The following NCKAP1 variants were observed in gnomAD, a reference collection of about 807,000 sequenced individuals.
NCKAP1 encodes the protein nck-associated protein 1.
A neutral mutation model predicts 151.2 loss-of-function variants in NCKAP1; 21 were observed. The observed-to-expected ratio is 0.14, with a 90% CI of 0.10 to 0.20. The LOEUF (loss-of-function observed/expected upper bound fraction) is 0.20. Among genes scored for constraint, NCKAP1 ranks in the 10% least tolerant of loss-of-function variants. The probability of loss-of-function intolerance (pLI) is 1.00; values close to 1 mark genes in which losing one functional copy is unlikely to be tolerated. For synonymous variants in NCKAP1, 484 were observed against 451.8 expected (o/e 1.07, Z -0.90); for missense variants, 933 against 1,352.1 (o/e 0.69, Z 4.86).
rs73046247 is a variant in NCKAP1 at position 183,002,756 on chromosome 2, G to A, written c.369+218C>T. Among the ~76,000 whole-genome samples, 838 of 151,776 alleles carry A rather than the reference G, an allele frequency of 5.5e-3. 9 individuals carry two copies. Among genetic ancestry groups the A allele is most frequent in the African/African-American group, 0.019 (773 of 41,400 alleles). ...TATTAAATAAAATACTAAAGTTAAC[G>A]TGTATTTCCCAATATGTACAAGACT... On this transcript the variant is annotated intron_variant, in intron 4 of 30. Transcript: ENST00000361354.
chr2:182,930,855 TATTA>T, intron 26 of NCKAP1, 67 bp from the exon 27 acceptor site: 4 of 1,362,586 alleles, frequency 2.9e-6, no homozygotes, highest in Non-Finnish European at 1.0e-6. Flanking sequence ...GCTCACTGTT[TATTA>T]GAGTCTGCCT....
In NCKAP1 at chr2:182,910,847, AGAAGAAGGT is replaced by A. The variant is rs1194829956; in HGVS notation, c.*14846_*14854del. On this transcript the variant is annotated 3_prime_UTR_variant, in exon 31 of 31. Transcript: ENST00000361354. ...CAGCAACCTTCAGAGAAAGTTACTGAGAAGAAGGTGATTGCTAAGTATTTACAGATTAAA... is the reference window on the plus strand; with the variant it reads ...CAGCAACCTTCAGAGAAAGTTACTGAGATTGCTAAGTATTTACAGATTAAA... 6.6e-6 allele frequency: 1 copy of A among 152,144 alleles called. No individual in the cohort carries two copies. Among genetic ancestry groups the A allele is most frequent in the Non-Finnish European group, 1.5e-5 (1 of 68,026 alleles). The allele number at this position is 152,144 out of a possible 1,614,324, so 9.4% of individuals were successfully genotyped here.
intron 2 of NCKAP1, among the ~76,000 whole-genome samples, 186 bp downstream of exon 2, chr2:183,023,620 G>T (rs1001384185): frequency 6.6e-6 from 1 of 151,980 alleles, no homozygotes; most frequent in East Asian, 1.9e-4. Flanking sequence ...TGGCAATGTC[G>T]TTAAGAGTTA....
chr2:182,996,312 T>A (rs1254817046), intron 6 of NCKAP1, among the ~76,000 whole-genome samples: 1 of 152,220 alleles, frequency 6.6e-6, no homozygotes, highest in Non-Finnish European at 1.5e-5. Context: ...CTCATCTTAA[T>A]AAATTACTTA....
At chr2:182,930,333 G>GT (rs1696736840) in intron 27 of NCKAP1, among the ~76,000 whole-genome samples, 2 of 151,826 alleles carry the variant, frequency 1.3e-5, no homozygotes, top group Non-Finnish European at 1.5e-5. Context: ...CCCTTTCCTG[G>GT]TTTTTCTTCT....
intron 4 of NCKAP1, 64 bp downstream of exon 4, chr2:183,002,910 A>C: frequency 1.7e-6 from 2 of 1,189,032 alleles, no homozygotes; most frequent in Non-Finnish European, 2.4e-6. Context: ...AAAGAAAAGC[A>C]AGTGGTCCCC....
In NCKAP1 at chr2:182,928,841, T is replaced by C; in HGVS notation, c.3012A>G (p.Ala1004=). The change falls in exon 28 of 31, where the codon GCA becomes GCG. Residue 1004 remains alanine, a synonymous_variant. Transcript: ENST00000361354. ...KIACLLMVFV[A]VSLPTLASNV... ...TACTGGCCAGTGTTGGCAAAGAAAC[T>C]GCCACAAACACCATGAGAAGGCAGG... 6.2e-7 allele frequency: 1 copy of C among 1,612,592 alleles called. No individual in the cohort carries two copies. Among genetic ancestry groups the C allele is most frequent in the Non-Finnish European group, 8.5e-7 (1 of 1,178,946 alleles).
chr2:182,932,639 T>C lies in NCKAP1; in HGVS notation c.2860-1851A>G, dbSNP rs114863769. ...TGCGTTATAACTCAATAAAGCTGTT[T>C]AAAAACATGTTTTTGTTTTTTGTTG... On this transcript the variant is annotated intron_variant, in intron 26 of 30. Coordinates refer to ENST00000361354, the MANE Select transcript of NCKAP1 (RefSeq NM_013436.5). Among the ~76,000 whole-genome samples, 1,025 of 152,010 alleles carry C rather than the reference T, an allele frequency of 6.7e-3. 8 individuals are homozygous for C. The highest frequency in any genetic ancestry group is 0.023 in the African/African-American group (937 of 41,538).
intron 29 of NCKAP1, among the ~76,000 whole-genome samples, chr2:182,927,513 G>A (rs1000393694): frequency 1.3e-5 from 2 of 151,926 alleles, no homozygotes; most frequent in African/African-American, 4.8e-5. Context: ...TATATCTTTC[G>A]TTTAAATAAA....
At chr2:182,949,670 T>G (rs1697176687) in intron 23 of NCKAP1, among the ~76,000 whole-genome samples, 1 of 152,160 alleles carries the variant, frequency 6.6e-6, no homozygotes, top group Non-Finnish European at 1.5e-5. Flanking sequence ...GGCACATGCC[T>G]GTAGTCCCAG....
At chr2:182,992,317 C>A (rs1418741985) in intron 8 of NCKAP1, among the ~76,000 whole-genome samples, 2 of 152,198 alleles carry the variant, frequency 1.3e-5, no homozygotes, top group Non-Finnish European at 2.9e-5. Context: ...AAATTCATTC[C>A]TTATTTTGGC....
At chr2:182,941,236 G>GA (rs1372784391) in intron 24 of NCKAP1, among the ~76,000 whole-genome samples, 3 of 151,078 alleles carry the variant, frequency 2.0e-5, no homozygotes, top group African/African-American at 4.9e-5. Flanking sequence ...AAAAGCAAAA[G>GA]AAAATAACAT....
chr2:183,010,643 T>C (rs1453703920), intron 2 of NCKAP1, among the ~76,000 whole-genome samples: 1 of 152,220 alleles, frequency 6.6e-6, no homozygotes, highest in Non-Finnish European at 1.5e-5. Context: ...CTAAAACTTT[T>C]GGAAATTTAA....
At chr2:182,962,674 G>A (rs531384551) in intron 17 of NCKAP1, among the ~76,000 whole-genome samples, 1 of 152,176 alleles carries the variant, frequency 6.6e-6, no homozygotes, top group Admixed American at 6.5e-5. Context: ...TAAAATCTGT[G>A]TCTCTATAAA....
chr2:182,980,929 C>T (rs1559091866), intron 13 of NCKAP1, among the ~76,000 whole-genome samples: 1 of 152,112 alleles, frequency 6.6e-6, no homozygotes, highest in African/African-American at 2.4e-5. Flanking sequence ...TTAAGTAGTA[C>T]ACCTGATTTA....
intron 23 of NCKAP1, among the ~76,000 whole-genome samples, chr2:182,948,028 C>T (rs1697142908): frequency 6.6e-6 from 1 of 152,070 alleles, no homozygotes; most frequent in South Asian, 2.1e-4. Context: ...AACAAAATCA[C>T]TATAAAACAT....
At chr2:182,971,393 C>CAAAAAAAAAA (rs1190689259) in intron 15 of NCKAP1, among the ~76,000 whole-genome samples, 1 of 68,968 alleles carries the variant, frequency 1.4e-5, no homozygotes, top group Admixed American at 1.6e-4. Context: ...GACTCCGTCT[C>CAAAAAAAAAA]AAAAAAAAAA....
chr2:182,989,852 T>C (rs1698132135), intron 8 of NCKAP1, among the ~76,000 whole-genome samples: 1 of 151,534 alleles, frequency 6.6e-6, no homozygotes, highest in African/African-American at 2.4e-5. Flanking sequence ...ATACAAAAAT[T>C]AGACAGGAGT....
In NCKAP1 at chr2:182,987,356, ATAT is replaced by A. The variant is rs1253477095; in HGVS notation, c.948-1132_948-1130del. ...TGTATTCTTTGAGCAAATTTCCAAA[ATAT>A]AATAATTCTGTAATCATCACCCTCT... On this transcript the variant is annotated intron_variant, in intron 9 of 30. Coordinates refer to ENST00000361354, the MANE Select transcript of NCKAP1 (RefSeq NM_013436.5). 1.2e-4 allele frequency among the ~76,000 whole-genome samples: 19 copies of A among 152,326 alleles called. No individual in the cohort carries two copies. The South Asian group carries it at 3.9e-3, about 32-fold the overall frequency.
Sources: allele counts gnomAD v4.1 joint callset (sites outside exome capture counted in the v4.1 genomes callset), GRCh38; gene constraint gnomAD v4.1.1; transcripts MANE v1.5; gene names NCBI Gene and HGNC (gene_info 2026-07-23, HGNC 2026-07-21).